The following RPS6KA3 variants were observed in gnomAD, a reference collection of about 807,000 sequenced individuals.
The protein encoded by RPS6KA3 is ribosomal protein S6 kinase alpha-3.
RPS6KA3 carries 4 observed loss-of-function variants against 67.2 expected under a neutral mutation model. That is an observed-to-expected ratio of 0.06 (90% CI 0.03 to 0.14). The LOEUF (loss-of-function observed/expected upper bound fraction) is 0.14. RPS6KA3 is among the 10% of genes least tolerant of loss of function. The pLI, the probability that RPS6KA3 is intolerant of heterozygous loss-of-function variation, is 1.00. For missense variants in RPS6KA3, 204 were observed against 559.0 expected (o/e 0.36, Z 6.40); for synonymous variants, 182 against 183.7 (o/e 0.99, Z 0.07).
chrX:20,168,322 A>G (rs1417526955), intron 16 of RPS6KA3, among the ~76,000 whole-genome samples: 3 of 111,891 alleles, frequency 2.7e-5, no homozygotes, highest in African/African-American at 6.5e-5. Flanking sequence ...AAAATCTTAT[A>G]TGTGTGGTAG....
chrX:20,220,114 C>T (rs1405055478), intron 2 of RPS6KA3, among the ~76,000 whole-genome samples: 2 of 110,578 alleles, frequency 1.8e-5, no homozygotes, highest in Non-Finnish European at 3.8e-5. Context: ...CCATTTTGTG[C>T]TACAGATTCT....
At chrX:20,188,201 G>GT (rs1206705442) in intron 8 of RPS6KA3, among the ~76,000 whole-genome samples, 1 of 110,766 alleles carries the variant, frequency 9.0e-6, no homozygotes, top group Non-Finnish European at 1.9e-5. Context: ...AGCCTCCCAA[G>GT]TAACTGGGAT....
At chrX:20,173,023 A>G in intron 14 of RPS6KA3, 152 bp from the exon 15 acceptor site, 1 of 484,707 alleles carries the variant, frequency 2.1e-6, no homozygotes, top group East Asian at 3.9e-5. Context: ...TATTCTACAA[A>G]CAAGTGATTT....
intron 10 of RPS6KA3, among the ~76,000 whole-genome samples, chrX:20,183,902 A>C (rs925259253): frequency 4.4e-5 from 5 of 112,613 alleles, no homozygotes; most frequent in Non-Finnish European, 9.4e-5. Context: ...TTGTAAGTGT[A>C]AAATACACAT....
At chrX:20,251,654 T>C (rs2069873108) in intron 1 of RPS6KA3, among the ~76,000 whole-genome samples, 1 of 113,293 alleles carries the variant, frequency 8.8e-6, no homozygotes. Context: ...TAACATAAAA[T>C]TCACTATCTC....
intron 1 of RPS6KA3, among the ~76,000 whole-genome samples, chrX:20,244,570 GA>G (rs1211755128): frequency 1.8e-5 from 2 of 111,723 alleles, no homozygotes; most frequent in African/African-American, 6.5e-5. Context: ...ACGCAGAGAA[GA>G]AAAAAAGTTA....
At chrX:20,194,389 C>G in intron 5 of RPS6KA3, 121 bp from the exon 6 acceptor site, 3 of 480,946 alleles carry the variant, frequency 6.2e-6, no homozygotes, top group Non-Finnish European at 1.1e-5. Context: ...CTTACTTTTA[C>G]TTAGAAGAAA....
At chrX:20,221,968 G>A (rs1378131915) in intron 2 of RPS6KA3, among the ~76,000 whole-genome samples, 1 of 112,680 alleles carries the variant, frequency 8.9e-6, no homozygotes. Context: ...CTACAGCCAG[G>A]CCTGGCCAGC....
At chrX:20,202,827 C>T (rs1035749696) in intron 4 of RPS6KA3, among the ~76,000 whole-genome samples, 1 of 112,176 alleles carries the variant, frequency 8.9e-6, no homozygotes, top group Non-Finnish European at 1.9e-5. Context: ...AGCTTTGTAA[C>T]ATGGGATTCA....
chrX:20,193,568 T>C lies in RPS6KA3; in HGVS notation c.512A>G (p.Lys171Arg). Reference protein sequence around the residue: ...KEVMFTEEDVKFYLAELALAL... With the variant: ...KEVMFTEEDVRFYLAELALAL... The stretch of plus-strand genomic sequence containing the variant: ...AAGTGCAAGTTCAGCCAAGTAGAAT[T>C]TGACATCTTCTTCTGTGAACATCAC... Residue 171 changes from lysine to arginine, a missense_variant, in exon 7 of 22, where the codon AAA becomes AGA. Coordinates refer to ENST00000379565, the MANE Select transcript of RPS6KA3 (RefSeq NM_004586.3). 3 of 1,182,675 alleles carry C rather than the reference T, an allele frequency of 2.5e-6. No individual in the cohort carries two copies. The highest frequency in any genetic ancestry group is 2.2e-5 in the Admixed American group (1 of 46,060).
At chrX:20,209,468 T>C in intron 2 of RPS6KA3, 64 bp from the exon 3 acceptor site, 1 of 583,355 alleles carries the variant, frequency 1.7e-6, no homozygotes, top group Non-Finnish European at 3.0e-6. Flanking sequence ...CCGCTAAAAA[T>C]CAAACAATAT....
At chrX:20,174,699 C>T (rs928001457) in intron 14 of RPS6KA3, among the ~76,000 whole-genome samples, 5 of 110,143 alleles carry the variant, frequency 4.5e-5, no homozygotes, top group Non-Finnish European at 9.5e-5. Context: ...TTCTTGCAAC[C>T]TTTTCGATGA....
chrX:20,186,504 T>C, intron 9 of RPS6KA3, 138 bp from the exon 10 acceptor site: 1 of 455,699 alleles, frequency 2.2e-6, no homozygotes, highest in Non-Finnish European at 3.9e-6. Context: ...GTTTTCTATT[T>C]CTACCATATT....
At chrX:20,194,327 AG>A in intron 5 of RPS6KA3, 59 bp from the exon 6 acceptor site, 1 of 668,817 alleles carries the variant, frequency 1.5e-6, no homozygotes, top group Non-Finnish European at 2.4e-6. Context: ...GGTTTACATT[AG>A]GTCATTCATA....
intron 7 of RPS6KA3, 38 bp downstream of exon 7, chrX:20,193,449 T>C: frequency 1.3e-6 from 1 of 790,315 alleles, no homozygotes; most frequent in Non-Finnish European, 1.9e-6. Context: ...TAAACAATCA[T>C]ATTACATTGT....
chrX:20,188,678 G>C (rs1003642506), intron 7 of RPS6KA3, 144 bp from the exon 8 acceptor site: 1 of 410,288 alleles, frequency 2.4e-6, no homozygotes, highest in African/African-American at 2.5e-5. Context: ...AAAGGCAAAG[G>C]AGGAACAAAT....
At chrX:20,174,264 C>T (rs1244165418) in intron 14 of RPS6KA3, among the ~76,000 whole-genome samples, 1 of 111,013 alleles carries the variant, frequency 9.0e-6, no homozygotes, top group Admixed American at 9.6e-5. Context: ...GAAACAAACT[C>T]GGCATGAAAA....
chrX:20,252,024 T>TC (rs1403479235), intron 1 of RPS6KA3, among the ~76,000 whole-genome samples: 1 of 112,287 alleles, frequency 8.9e-6, no homozygotes, highest in African/African-American at 3.2e-5. Flanking sequence ...GTTTATTTTT[T>TC]CTCTATTGTT....
At chrX:20,263,603 C>CAGG (rs2070293977) in intron 1 of RPS6KA3, among the ~76,000 whole-genome samples, 1 of 111,708 alleles carries the variant, frequency 9.0e-6, no homozygotes, top group Non-Finnish European at 1.9e-5. Context: ...GGTCTTAAAG[C>CAGG]AGGAAGGCCA....
Sources: gnomAD v4.1 joint callset for allele counts (sites outside exome capture counted in the v4.1 genomes callset) on GRCh38, gnomAD v4.1.1 for gene constraint, MANE v1.5 for transcripts, NCBI Gene and HGNC (gene_info 2026-07-23, HGNC 2026-07-21) for gene names.